ELL: variants seen among roughly 807,000 people sequenced by gnomAD.
ELL encodes elongation factor for RNA polymerase II, also known as RNA polymerase II elongation factor ELL.
ELL carries 18 observed loss-of-function variants against 64.0 expected under a neutral mutation model. That is an observed-to-expected ratio of 0.28 (90% CI 0.19 to 0.42). ELL has a LOEUF of 0.42. ELL is among the 10% of genes least tolerant of loss of function. ELL has a pLI of 1.00. For missense variants in ELL, 797 were observed against 870.4 expected (o/e 0.92, Z 1.06); for synonymous variants, 399 against 376.2 (o/e 1.06, Z -0.70).
At chr19:18,499,569 A>T (rs1975737076) in intron 1 of ELL, among the ~76,000 whole-genome samples, 1 of 152,162 alleles carries the variant, frequency 6.6e-6, no homozygotes, top group South Asian at 2.1e-4. Flanking sequence ...GGTTGGGGAG[A>T]TGGTCCCTCA....
intron 1 of ELL, among the ~76,000 whole-genome samples, chr19:18,517,975 C>A (rs1555740426): frequency 6.6e-6 from 1 of 151,598 alleles, no homozygotes; most frequent in Non-Finnish European, 1.5e-5. Context: ...AATCCCAGCA[C>A]TTTGGGAGGC....
At chr19:18,509,131 A>T (rs1246526871) in intron 1 of ELL, among the ~76,000 whole-genome samples, 1 of 152,042 alleles carries the variant, frequency 6.6e-6, no homozygotes, top group Non-Finnish European at 1.5e-5. Flanking sequence ...AATATTTCAG[A>T]GTAGCCGTGA....
chr19:18,514,052 G>C (rs1357243239), intron 1 of ELL, among the ~76,000 whole-genome samples: 1 of 152,142 alleles, frequency 6.6e-6, no homozygotes, highest in Non-Finnish European at 1.5e-5. Context: ...GTCAGGAGCC[G>C]TGTCTCCACT....
chr19:18,477,840 T>C lies in ELL; in HGVS notation c.136-4958A>G, dbSNP rs534827833. 1.3e-4 allele frequency among the ~76,000 whole-genome samples: 20 copies of C among 152,282 alleles called. 1 individual carries two copies. In the South Asian group the frequency reaches 3.9e-3, roughly 30 times the overall value. ...CGCGGGCACAGTGAGCATGCATGAA[T>C]AGAAAAGGCTTTTTTCTTATGATGT... On this transcript the variant is annotated intron_variant, in intron 1 of 11. Coordinates refer to ENST00000262809, the MANE Select transcript of ELL (RefSeq NM_006532.4).
intron 1 of ELL, among the ~76,000 whole-genome samples, chr19:18,507,771 G>C (rs193121452): frequency 2.3e-4 from 35 of 152,308 alleles, no homozygotes; most frequent in South Asian, 4.1e-4. Context: ...GTGCCCCGCC[G>C]AACAACCACG....
At chr19:18,469,754 C>T (rs1350116876) in intron 2 of ELL, among the ~76,000 whole-genome samples, 1 of 152,256 alleles carries the variant, frequency 6.6e-6, no homozygotes, top group Admixed American at 6.5e-5. Context: ...CTGACCTGAC[C>T]ATGGCCACCA....
Position 18,446,777 on chromosome 19 carries a change from C to T in ELL, c.1503G>A (p.Thr501=), listed in dbSNP as rs755297171. The T allele has an allele frequency of 1.8e-5, 29 of 1,613,940 alleles. No homozygotes were observed. Among genetic ancestry groups the T allele is most frequent in the African/African-American group, 1.3e-4 (10 of 74,934 alleles). ...AGTAGTCAGGCGTCTCCGACGTGGA[C>T]GTGGGAACACTGGAAACGCTGCAGG... ...NGTCSVSSVP[T]STSETPDYLL... Residue 501 remains threonine, a synonymous_variant, in exon 9 of 12, where the codon ACG becomes ACA. Transcript: ENST00000262809.
Position 18,443,991 on chromosome 19 carries a change from G to C in ELL, c.*761C>G, listed in dbSNP as rs971032695. The C allele has an allele frequency of 8.6e-6, 2 of 232,504 alleles. No homozygotes were observed. Among genetic ancestry groups the C allele is most frequent in the Admixed American group, 5.6e-5 (1 of 17,754 alleles). 14.4% of individuals were successfully genotyped at this position (232,504 alleles called of 1,614,324 possible). A position where few individuals can be genotyped will look rare whatever the true frequency, so the allele number is the denominator to read the frequency against. On this transcript the variant is annotated 3_prime_UTR_variant, in exon 12 of 12. Coordinates refer to ENST00000262809, the MANE Select transcript of ELL (RefSeq NM_006532.4). ...CGGCCGAGTCTCAACTTGGAGCACA[G>C]AAACACAGTGGCCCCCGACAGCTGA...
chr19:18,473,921 T>G (rs1975119953), intron 1 of ELL, among the ~76,000 whole-genome samples: 1 of 151,926 alleles, frequency 6.6e-6, no homozygotes, highest in African/African-American at 2.4e-5. Flanking sequence ...TCTCCACTGC[T>G]CAGGTCTCAC....
intron 8 of ELL, among the ~76,000 whole-genome samples, chr19:18,447,530 C>T (rs886573255): frequency 6.6e-6 from 1 of 152,258 alleles, no homozygotes; most frequent in Non-Finnish European, 1.5e-5. Flanking sequence ...AGGGGCCTGC[C>T]CAAAGCAGCA....
At chr19:18,465,159 T>G (rs942194735) in intron 4 of ELL, among the ~76,000 whole-genome samples, 1 of 152,188 alleles carries the variant, frequency 6.6e-6, no homozygotes, top group Admixed American at 6.5e-5. Flanking sequence ...TTTGTCCACC[T>G]CAGGCTTCAC....
intron 1 of ELL, among the ~76,000 whole-genome samples, chr19:18,474,824 T>C (rs977904680): frequency 2.6e-5 from 4 of 152,192 alleles, no homozygotes; most frequent in South Asian, 2.1e-4. Flanking sequence ...TGAATGACCT[T>C]TGCTACAAAT....
chr19:18,489,627 C>T (rs1975484715), intron 1 of ELL, among the ~76,000 whole-genome samples: 1 of 152,214 alleles, frequency 6.6e-6, no homozygotes, highest in Non-Finnish European at 1.5e-5. Flanking sequence ...CTTAGCCCTG[C>T]AGCCCCCAGC....
At chr19:18,454,078 T>C (rs997741049) in intron 6 of ELL, among the ~76,000 whole-genome samples, 2 of 152,204 alleles carry the variant, frequency 1.3e-5, no homozygotes, top group Non-Finnish European at 2.9e-5. Flanking sequence ...ATGAAAATTT[T>C]CTGGAACTAG....
intron 1 of ELL, among the ~76,000 whole-genome samples, chr19:18,509,439 C>G (rs899176488): frequency 1.3e-5 from 2 of 152,104 alleles, no homozygotes; most frequent in East Asian, 3.9e-4. Flanking sequence ...GTCACCCTTC[C>G]GAAAGAAGGG....
intron 2 of ELL, chr19:18,472,298 C>G (rs568292179): frequency 6.5e-6 from 1 of 152,716 alleles, no homozygotes; most frequent in South Asian, 2.1e-4. Flanking sequence ...GGAAGGGGGA[C>G]AGGGAGCCAT....
chr19:18,485,474 C>T (rs889196800), intron 1 of ELL, among the ~76,000 whole-genome samples: 6 of 152,212 alleles, frequency 3.9e-5, no homozygotes, highest in African/African-American at 1.4e-4. Flanking sequence ...CTGCCTCCAC[C>T]TCTCCCCTGA....
intron 1 of ELL, among the ~76,000 whole-genome samples, chr19:18,482,763 T>TGTTGTTGTTG (rs1975329570): frequency 4.0e-5 from 6 of 149,716 alleles, no homozygotes; most frequent in African/African-American, 1.5e-4. Flanking sequence ...CTTTTTGGTT[T>TGTTGTTGTTG]TTGTTGTTGT....
chr19:18,502,245 G>T (rs569325018), intron 1 of ELL, among the ~76,000 whole-genome samples: 1 of 152,290 alleles, frequency 6.6e-6, no homozygotes, highest in South Asian at 2.1e-4. Context: ...AGGATTCCAG[G>T]ACAGCAAGGG....
Sources: gnomAD v4.1 joint callset for allele counts (sites outside exome capture counted in the v4.1 genomes callset) on GRCh38, gnomAD v4.1.1 for gene constraint, MANE v1.5 for transcripts, NCBI Gene and HGNC (gene_info 2026-07-23, HGNC 2026-07-21) for gene names.